The following PRDM5 variants were observed in gnomAD, a reference collection of about 807,000 sequenced individuals.
PRDM5 encodes the protein PR domain zinc finger protein 5.
A neutral mutation model predicts 81.2 loss-of-function variants in PRDM5; 56 were observed. That is an observed-to-expected ratio of 0.69 (90% confidence interval 0.56 to 0.86). The LOEUF (loss-of-function observed/expected upper bound fraction) is 0.86, where lower values mean the gene tolerates loss of function less well. Ranked by LOEUF, PRDM5 falls within the 40% of genes least tolerant of loss-of-function variation. The pLI is 0.00. For synonymous variants in PRDM5, 267 were observed against 256.4 expected, an observed-to-expected ratio of 1.04 and a Z score of -0.39; for missense variants, 697 against 770.1, an observed-to-expected ratio of 0.91 and a Z score of 1.12.
At chr4:120,912,190 T>C (rs999474261) in intron 1 of PRDM5, among the ~76,000 whole-genome samples, 15 of 152,156 alleles carry the variant, frequency 9.9e-5, no homozygotes, top group African/African-American at 3.4e-4. Flanking sequence ...AGCTCACAGA[T>C]TACTTGCTAA....
rs771360790 is a variant in PRDM5 at position 120,799,787 on chromosome 4, C to T, written c.946-42G>A. On this transcript the variant is annotated intron_variant, in intron 8 of 15. Transcript: ENST00000264808. Reference sequence around the variant, plus strand: ...AGACAGTTAAATCAACTGTCAAAGCCTAGTAAATTACACAGCTCTCAAGCA... The same window carrying T: ...AGACAGTTAAATCAACTGTCAAAGCTTAGTAAATTACACAGCTCTCAAGCA... The T allele has an allele frequency of 3.8e-6, 6 of 1,596,936 alleles. No homozygotes were observed. The African/African-American group carries it at 8.1e-5, about 21-fold the overall frequency.
rs758685010 is a variant in PRDM5 at position 120,853,489 on chromosome 4, G to A, written c.229C>T (p.Arg77Trp). 13 of 1,613,662 alleles carry A rather than the reference G, an allele frequency of 8.1e-6. No homozygotes were observed. Among genetic ancestry groups the A allele is most frequent in the East Asian group, 2.2e-5 (1 of 44,882 alleles). Reference sequence around the variant, plus strand: ...ACGAAGCGAAGCCAGTTGGAGTGCCGTGGGTTGGTAGCATCCAAAATGTAC... The same window carrying A: ...ACGAAGCGAAGCCAGTTGGAGTGCCATGGGTTGGTAGCATCCAAAATGTAC... ...VLYILDATNPRHSNWLRFVHE... is the reference protein window; with the variant it reads ...VLYILDATNPWHSNWLRFVHE... The change falls in exon 3 of 16, where the codon CGG becomes TGG. Residue 77 changes from arginine (R) to tryptophan (W), a missense_variant. Arg to Trp is a moderately radical substitution (Grantham distance 101). Around this residue, in one of 3 missense-constraint regions of PRDM5, gnomAD observed 577 missense variants for 606.7 expected, o/e 0.95. Transcript: ENST00000264808.
At chr4:120,760,229 A>G (rs1561124612) in intron 13 of PRDM5, among the ~76,000 whole-genome samples, 1 of 152,188 alleles carries the variant, frequency 6.6e-6, no homozygotes, top group African/African-American at 2.4e-5. Flanking sequence ...CATTAACCAG[A>G]TCTTTCTGGC....
At chr4:120,883,785 A>T (rs1432090291) in intron 2 of PRDM5, among the ~76,000 whole-genome samples, 1 of 152,184 alleles carries the variant, frequency 6.6e-6, no homozygotes, top group African/African-American at 2.4e-5. Flanking sequence ...TGTTTAGAAG[A>T]TTACTTAGAG....
intron 10 of PRDM5, among the ~76,000 whole-genome samples, chr4:120,797,364 T>A (rs142991820): frequency 1.4e-4 from 21 of 152,282 alleles, no homozygotes; most frequent in Non-Finnish European, 2.5e-4. Flanking sequence ...ACCAGAGTGA[T>A]GCTTTGGGAT....
chr4:120,922,429 G>A (rs1725071418), intron 1 of PRDM5, 87 bp downstream of exon 1: 2 of 1,210,412 alleles, frequency 1.7e-6, no homozygotes, highest in Non-Finnish European at 2.1e-6. Flanking sequence ...GAAGCCCGCC[G>A]CGCCCCGGGC....
At chr4:120,869,457 C>T (rs1761554610) in intron 2 of PRDM5, among the ~76,000 whole-genome samples, 1 of 152,138 alleles carries the variant, frequency 6.6e-6, no homozygotes, top group African/African-American at 2.4e-5. Flanking sequence ...TTACATTAAA[C>T]ATAAATTAGA....
At position 120,725,415 on chromosome 4, in the gene PRDM5, C is replaced by T. The variant is rs376800034; in HGVS notation, c.1624-15002G>A. 4.9e-4 allele frequency among the ~76,000 whole-genome samples: 74 copies of T among 152,188 alleles called. 1 individual carries two copies. In the South Asian group the frequency reaches 0.015, roughly 32 times the overall value. On this transcript the variant is annotated intron_variant, in intron 14 of 15. Transcript: ENST00000264808. ...TTCACACCTCTGCAAAACACCACTC[C>T]TACCTCCAAAATAAAATGACCCTAC... is the stretch of plus-strand genomic sequence containing the variant.
chr4:120,813,866 G>A (rs991870453), intron 7 of PRDM5, among the ~76,000 whole-genome samples: 3 of 152,246 alleles, frequency 2.0e-5, no homozygotes, highest in Middle Eastern at 3.4e-3. Flanking sequence ...CCCACTGGAT[G>A]GGTCCGAGGA....
intron 12 of PRDM5, among the ~76,000 whole-genome samples, 175 bp downstream of exon 12, chr4:120,780,968 T>C (rs1312360883): frequency 6.6e-6 from 1 of 152,106 alleles, no homozygotes; most frequent in Non-Finnish European, 1.5e-5. Context: ...AATAGGTCTA[T>C]CCTGAAAGAT....
intron 1 of PRDM5, among the ~76,000 whole-genome samples, chr4:120,920,687 A>T (rs529217590): frequency 6.6e-6 from 1 of 152,362 alleles, no homozygotes; most frequent in South Asian, 2.1e-4. Context: ...ATATTTTGGG[A>T]TCATAACTAA....
chr4:120,750,714 A>G (rs200594792), intron 14 of PRDM5, among the ~76,000 whole-genome samples: 3,757 of 143,846 alleles, frequency 0.026, 53 homozygotes, highest in Middle Eastern at 0.039. Context: ...ACACACACAC[A>G]CACACGCGCA....
chr4:120,805,450 C>T (rs1180355510), intron 8 of PRDM5, among the ~76,000 whole-genome samples: 2 of 152,118 alleles, frequency 1.3e-5, no homozygotes, highest in African/African-American at 4.8e-5. Flanking sequence ...CAAAAATCCT[C>T]GATAAAATAC....
intron 9 of PRDM5, 28 bp from the exon 10 acceptor site, chr4:120,798,452 T>C: frequency 6.6e-7 from 1 of 1,522,658 alleles, no homozygotes; most frequent in Non-Finnish European, 9.0e-7. Context: ...GGAGACAATC[T>C]CATATCTATA....
chr4:120,685,746 A>G lies in PRDM5; in HGVS notation n.104-721T>C, dbSNP rs983937497. On this transcript the variant is annotated intron_variant and non_coding_transcript_variant, in intron 1 of 1. Transcript: ENST00000513741. ...TATTAAATCTGTTTTGTTTAAAAAAATTGACATCATTCAGTTAAGTAAATG... is the reference window on the plus strand; with the variant it reads ...TATTAAATCTGTTTTGTTTAAAAAAGTTGACATCATTCAGTTAAGTAAATG... 4.6e-5 allele frequency among the ~76,000 whole-genome samples: 7 copies of G among 152,258 alleles called. No homozygotes were observed. The South Asian group carries it at 1.2e-3, about 27-fold the overall frequency.
chr4:120,724,366 T>C (rs958434465), intron 14 of PRDM5, among the ~76,000 whole-genome samples: 1 of 152,180 alleles, frequency 6.6e-6, no homozygotes, highest in African/African-American at 2.4e-5. Flanking sequence ...TGAGGTGCAC[T>C]TGTCCATCAC....
At chr4:120,704,287 TAA>T (rs1034611467) in intron 15 of PRDM5, among the ~76,000 whole-genome samples, 4 of 152,126 alleles carry the variant, frequency 2.6e-5, no homozygotes, top group African/African-American at 9.7e-5. Context: ...ATGCAGTCAG[TAA>T]AAGACTCCAA....
chr4:120,690,158 A>G (rs185558200), downstream of PRDM5, among the ~76,000 whole-genome samples: 2 of 152,206 alleles, frequency 1.3e-5, no homozygotes, highest in African/African-American at 4.8e-5. Context: ...TTAGAAAATA[A>G]AAAGTATAGA....
chr4:120,710,881 T>C (rs1274822248), intron 14 of PRDM5, among the ~76,000 whole-genome samples: 3 of 152,126 alleles, frequency 2.0e-5, no homozygotes, highest in Non-Finnish European at 2.9e-5. Flanking sequence ...TATTTCTTCA[T>C]AGTGGTGTGA....
Sources: gnomAD v4.1 joint callset for allele counts (sites outside exome capture counted in the v4.1 genomes callset) on GRCh38, gnomAD v4.1.1 for gene constraint, gnomAD v4.1.1 regional missense constraint, MANE v1.5 for transcripts, NCBI Gene and HGNC (gene_info 2026-07-23, HGNC 2026-07-21) for gene names.